The following RBFOX1 variants were observed in gnomAD, a reference collection of about 807,000 sequenced individuals.
RBFOX1 encodes RNA binding fox-1 homolog 1, also known as RNA binding protein fox-1 homolog 1.
RBFOX1 carries 8 observed loss-of-function variants against 57.7 expected under a neutral mutation model. The ratio of observed to expected loss-of-function variants is 0.14; its 90% CI spans 0.08 to 0.25. The LOEUF (loss-of-function observed/expected upper bound fraction) is 0.25, where lower values mean the gene tolerates loss of function less well. Among genes scored for constraint, RBFOX1 ranks in the 10% least tolerant of loss-of-function variants. The probability of loss-of-function intolerance (pLI) is 1.00; values close to 1 mark genes in which losing one functional copy is unlikely to be tolerated. For synonymous variants in RBFOX1, 326 were observed against 222.4 expected (o/e 1.47, Z -4.15); for missense variants, 611 against 548.5 (o/e 1.11, Z -1.14).
At chr16:5,239,771 C>T (rs1329705269), upstream of RBFOX1, 8 of 587,806 alleles carry the variant, frequency 1.4e-5, no homozygotes, top group African/African-American at 2.0e-5. Flanking sequence ...GCCCCGATGC[C>T]CAGCTCCGCG....
At chr16:6,912,366 G>T (rs572608992) in intron 3 of RBFOX1, among the ~76,000 whole-genome samples, 16 of 152,188 alleles carry the variant, frequency 1.1e-4, no homozygotes, top group South Asian at 1.0e-3. Context: ...AGGTGATGTG[G>T]ATCTCGGAGT....
intron 1 of RBFOX1, among the ~76,000 whole-genome samples, chr16:6,115,855 GA>G (rs2152604668): frequency 6.6e-6 from 1 of 152,214 alleles, no homozygotes; most frequent in African/African-American, 2.4e-5. Context: ...GTATTCTCCT[GA>G]CCCACACAGA....
At chr16:6,932,494 C>G (rs1169310060) in intron 3 of RBFOX1, among the ~76,000 whole-genome samples, 2 of 152,168 alleles carry the variant, frequency 1.3e-5, no homozygotes, top group South Asian at 4.2e-4. Context: ...AACCATAGCC[C>G]TTCTTGATGG....
chr16:6,745,313 T>A (rs978322084), intron 3 of RBFOX1, among the ~76,000 whole-genome samples: 2 of 152,084 alleles, frequency 1.3e-5, no homozygotes, highest in African/African-American at 4.8e-5. Context: ...CAACGATTAC[T>A]GTAATACCAA....
At chr16:5,451,789 T>C (rs1294900352) in intron 1 of RBFOX1, among the ~76,000 whole-genome samples, 1 of 152,138 alleles carries the variant, frequency 6.6e-6, no homozygotes, top group Non-Finnish European at 1.5e-5. Flanking sequence ...TGTACCAGGC[T>C]ACCTGAGCTT....
intron 2 of RBFOX1, among the ~76,000 whole-genome samples, chr16:6,598,062 G>C (rs2097795291): frequency 6.6e-6 from 1 of 152,192 alleles, no homozygotes; most frequent in Non-Finnish European, 1.5e-5. Flanking sequence ...ACTTTGGTCA[G>C]GTTTGGTTTT....
rs2097515982 is a variant in RBFOX1 at position 6,237,688 on chromosome 16, C to T, written c.-126-79307C>T. On this transcript the variant is annotated intron_variant, in intron 1 of 15. Transcript: ENST00000550418. The stretch of plus-strand genomic sequence containing the variant: ...CCAGGGAGATGGAGGTTACAGTGAG[C>T]CACGATCACACCACTACACTCCAGC... Among the ~76,000 whole-genome samples, 2 of 151,670 alleles carry T rather than the reference C, an allele frequency of 1.3e-5. 1 individual carries two copies. Among genetic ancestry groups the T allele is most frequent in the South Asian group, 4.2e-4 (2 of 4,800 alleles).
intron 4 of RBFOX1, among the ~76,000 whole-genome samples, chr16:7,090,122 G>A (rs571243166): frequency 2.1e-4 from 32 of 152,238 alleles, no homozygotes; most frequent in African/African-American, 7.5e-4. Context: ...CTGTTTAAGA[G>A]CTCATCTTGC....
At chr16:5,366,598 G>A in intron 1 of RBFOX1, 1 of 390,150 alleles carries the variant, frequency 2.6e-6, no homozygotes, top group South Asian at 2.2e-5. Context: ...TCCCAGAGAG[G>A]AAGCAAAGTT....
At chr16:5,757,137 C>G (rs2053425898) in intron 3 of RBFOX1, among the ~76,000 whole-genome samples, 1 of 152,006 alleles carries the variant, frequency 6.6e-6, no homozygotes, top group African/African-American at 2.4e-5. Flanking sequence ...TACTGCATAG[C>G]TGCCAAGCTT....
intron 4 of RBFOX1, among the ~76,000 whole-genome samples, chr16:5,981,755 C>T (rs1463546797): frequency 2.0e-5 from 3 of 152,148 alleles, no homozygotes; most frequent in Admixed American, 1.3e-4. Flanking sequence ...AGGTGTGAGC[C>T]GCTGTGCCCG....
At chr16:6,107,404 C>G (rs1431343130) in intron 1 of RBFOX1, among the ~76,000 whole-genome samples, 3 of 151,968 alleles carry the variant, frequency 2.0e-5, no homozygotes, top group Non-Finnish European at 4.4e-5. Flanking sequence ...GGGTACATAT[C>G]TTTGTGTTTT....
intron 1 of RBFOX1, among the ~76,000 whole-genome samples, chr16:5,277,838 T>C (rs543325628): frequency 7.2e-4 from 110 of 152,348 alleles, no homozygotes; most frequent in African/African-American, 2.5e-3. Flanking sequence ...TTTCATTCTT[T>C]TTTATGGCTG....
intron 3 of RBFOX1, among the ~76,000 whole-genome samples, chr16:6,733,164 C>T (rs570743415): frequency 6.6e-6 from 1 of 152,204 alleles, no homozygotes; most frequent in East Asian, 1.9e-4. Flanking sequence ...AACAGCCAAC[C>T]CCTCATCTCC....
chr16:5,758,336 C>G (rs536951665), intron 3 of RBFOX1, among the ~76,000 whole-genome samples: 1 of 152,148 alleles, frequency 6.6e-6, no homozygotes, highest in East Asian at 1.9e-4. Flanking sequence ...AACAGTAGTG[C>G]CATAATTGGA....
intron 4 of RBFOX1, among the ~76,000 whole-genome samples, chr16:7,374,689 A>T (rs1596785189): frequency 6.6e-6 from 1 of 152,172 alleles, no homozygotes; most frequent in Admixed American, 6.5e-5. Context: ...ATACCTAAAC[A>T]TTCCCTCTTT....
chr16:5,910,865 C>G (rs2058585717), intron 4 of RBFOX1, among the ~76,000 whole-genome samples: 1 of 152,182 alleles, frequency 6.6e-6, no homozygotes. Flanking sequence ...TGTTCCGTGA[C>G]AGATGGAAGC....
intron 3 of RBFOX1, among the ~76,000 whole-genome samples, chr16:7,011,067 C>A (rs1025857147): frequency 7.6e-6 from 1 of 132,100 alleles, no homozygotes; most frequent in African/African-American, 3.5e-5. Flanking sequence ...AAAGCAAATT[C>A]ATTTTTTTTT....
rs1567187382 is a variant in RBFOX1, at chr16:5,955,291, TAAA to T, written c.351+87958_351+87960del. 2.6e-3 allele frequency among the ~76,000 whole-genome samples: 49 copies of T among 19,142 alleles called. 2 individuals are homozygous for T. The highest frequency in any genetic ancestry group is 0.013 in the African/African-American group (37 of 2,928). The allele number at this position is 19,142 out of a possible 152,430, so 12.6% of individuals were successfully genotyped here. A position where few individuals can be genotyped will look rare whatever the true frequency, so the allele number is the denominator to read the frequency against. On this transcript the variant is annotated intron_variant, in intron 4 of 19. Transcript: ENST00000641259. Reference sequence around the variant, plus strand: ...AGTGAGACTCTGTCTCCCAATAAAATAAAATAAAATAAAATAAAATAAAATAAA... The same window carrying T: ...AGTGAGACTCTGTCTCCCAATAAAATATAAAATAAAATAAAATAAAATAAA...
Sources: allele counts gnomAD v4.1 joint callset (sites outside exome capture counted in the v4.1 genomes callset), GRCh38; gene constraint gnomAD v4.1.1; transcripts MANE v1.5; gene names NCBI Gene and HGNC (gene_info 2026-07-23, HGNC 2026-07-21).